Variants in TLN2 observed in about 807,000 individuals in gnomAD.
TLN2 encodes talin-2.
TLN2 carries 118 observed loss-of-function variants against 294.7 expected under a neutral mutation model. The observed-to-expected ratio is 0.40, with a 90% CI of 0.34 to 0.47. TLN2 has a LOEUF of 0.47. TLN2 is among the 20% of genes least tolerant of loss of function. The pLI is 0.84. For missense variants in TLN2, 3,083 were observed against 3,282.2 expected (o/e 0.94, Z 1.48); for synonymous variants, 1,431 against 1,304.5 (o/e 1.10, Z -2.09).
chr15:62,762,594 G>A (rs1595906916), intron 39 of TLN2, 141 bp downstream of exon 39: 2 of 905,998 alleles, frequency 2.2e-6, no homozygotes, highest in Non-Finnish European at 1.7e-6. Flanking sequence ...CGGAAGCACT[G>A]GTCACAATAG....
intron 1 of TLN2, among the ~76,000 whole-genome samples, chr15:62,531,683 T>A (rs1157084315): frequency 1.3e-5 from 2 of 152,234 alleles, no homozygotes; most frequent in Non-Finnish European, 2.9e-5. Context: ...AATTTAGAAT[T>A]TAAAATAAAA....
At chr15:62,812,366 G>A (rs76716674) in intron 52 of TLN2, among the ~76,000 whole-genome samples, 3,086 of 152,242 alleles carry the variant, frequency 0.02, 58 homozygotes, top group Admixed American at 0.034. Flanking sequence ...TGCACACATG[G>A]GCCTCAGGTT....
chr15:62,789,493 C>A lies in TLN2; in HGVS notation c.5737-3148C>A, dbSNP rs139920565. On this transcript the variant is annotated intron_variant, in intron 45 of 58. Transcript: ENST00000636159. ...AAGAAAGGGGCCGGGCAGCAGGGCACTGGGGTATGTTTTTAGAGCGTAGCC... is the reference window on the plus strand; with the variant it reads ...AAGAAAGGGGCCGGGCAGCAGGGCAATGGGGTATGTTTTTAGAGCGTAGCC... Among the ~76,000 whole-genome samples, 9 of 152,178 alleles carry A rather than the reference C, an allele frequency of 5.9e-5. No individual in the cohort carries two copies. In the East Asian group the frequency reaches 1.7e-3, roughly 29 times the overall value.
chr15:62,668,607 A>G (rs2055012538), intron 9 of TLN2, among the ~76,000 whole-genome samples: 1 of 152,226 alleles, frequency 6.6e-6, no homozygotes, highest in South Asian at 2.1e-4. Flanking sequence ...TGGAGGGGTC[A>G]GGGTGCGTAG....
At chr15:62,673,072 TTG>T (rs60589441) in intron 9 of TLN2, among the ~76,000 whole-genome samples, 34 of 144,890 alleles carry the variant, frequency 2.3e-4, no homozygotes, top group African/African-American at 7.6e-4. Context: ...CCTAATTTAA[TTG>T]TGTGTGTGTG....
At chr15:62,462,103 C>T (rs912455952) in intron 1 of TLN2, among the ~76,000 whole-genome samples, 4 of 152,116 alleles carry the variant, frequency 2.6e-5, no homozygotes, top group Non-Finnish European at 4.4e-5. Flanking sequence ...GGCGTGGTGG[C>T]GGGTGCCTGT....
rs1459752264 is a variant in TLN2, at chr15:62,755,572, C to G, written c.4517C>G (p.Ala1506Gly). ...ACAATTGTTGCCAAGCACACGTCAG[C>G]CTTGTGCAATGCCTGCCGCATCGCC... The part of the protein sequence containing the change: ...AATIVAKHTS[A>G]LCNACRIASS... Residue 1506 changes from alanine (A) to glycine (G), a missense_variant, in exon 37 of 59, where the codon GCC becomes GGC. Physicochemically the swap from Ala to Gly is moderately conservative, Grantham distance 60 (BLOSUM62 0). Transcript: ENST00000636159. 6.2e-7 allele frequency: 1 copy of G among 1,614,226 alleles called. No homozygotes were observed. Among genetic ancestry groups the G allele is most frequent in the Non-Finnish European group, 8.5e-7 (1 of 1,180,016 alleles).
intron 1 of TLN2, among the ~76,000 whole-genome samples, chr15:62,510,986 A>G (rs1033801171): frequency 6.6e-6 from 1 of 152,190 alleles, no homozygotes. Context: ...TTTGACAAGA[A>G]CGTCTTACAA....
At chr15:62,491,716 T>C (rs2038736527) in intron 1 of TLN2, among the ~76,000 whole-genome samples, 1 of 152,206 alleles carries the variant, frequency 6.6e-6, no homozygotes, top group African/African-American at 2.4e-5. Context: ...ACTTTTCCCT[T>C]TGACTTAGTG....
chr15:62,531,575 A>G (rs1440433608), intron 1 of TLN2, among the ~76,000 whole-genome samples: 1 of 152,256 alleles, frequency 6.6e-6, no homozygotes, highest in Non-Finnish European at 1.5e-5. Flanking sequence ...CACCATAAAA[A>G]TAAATATTTG....
At chr15:62,568,398 A>G (rs1287248345) in intron 1 of TLN2, among the ~76,000 whole-genome samples, 2 of 152,232 alleles carry the variant, frequency 1.3e-5, no homozygotes, top group African/African-American at 2.4e-5. Context: ...AGCAGCAGCA[A>G]TCTCTTTAAA....
intron 16 of TLN2, 139 bp downstream of exon 16, chr15:62,699,006 C>A: frequency 1.2e-6 from 1 of 822,492 alleles, no homozygotes; most frequent in Non-Finnish European, 1.9e-6. Flanking sequence ...GATATTGAGT[C>A]TTTGCCTCTC....
At chr15:62,688,945 TA>T (rs534232502) in intron 12 of TLN2, among the ~76,000 whole-genome samples, 128 of 152,262 alleles carry the variant, frequency 8.4e-4, no homozygotes, top group African/African-American at 3.0e-3. Context: ...TATATTTTTT[TA>T]ATCCATTCTA....
chr15:62,506,817 A>G (rs1038329553), intron 1 of TLN2, among the ~76,000 whole-genome samples: 2 of 152,228 alleles, frequency 1.3e-5, no homozygotes, highest in African/African-American at 4.8e-5. Context: ...ATCATGTGTG[A>G]GCAGCATGGC....
In TLN2 at chr15:62,687,851, C is replaced by T. The variant is rs78446721; in HGVS notation, c.1113+1055C>T. The T allele has an allele frequency of 6.5e-3, 984 of 152,300 alleles. 4 individuals are homozygous for T. Among genetic ancestry groups the T allele is most frequent in the Non-Finnish European group, 0.01 (688 of 68,024 alleles). The allele number at this position is 152,300 out of a possible 1,614,324, so 9.4% of individuals were successfully genotyped here. A position where few individuals can be genotyped will look rare whatever the true frequency, so the allele number is the denominator to read the frequency against. ...CCTCTTGTAGCTGTAACATTTGTGC[C>T]TGTGTGGCCCTCAAAAGATGAATGT... is the stretch of plus-strand genomic sequence containing the variant. On this transcript the variant is annotated intron_variant, in intron 12 of 58. Transcript: ENST00000636159.
intron 28 of TLN2, chr15:62,733,924 A>C (rs1016690095): frequency 6.6e-6 from 1 of 152,226 alleles, no homozygotes; most frequent in African/African-American, 2.4e-5. Flanking sequence ...TCCTGTAGTG[A>C]TGACCATTGA....
At chr15:62,400,296 A>T (rs1301566718) in intron 1 of TLN2, among the ~76,000 whole-genome samples, 1 of 152,232 alleles carries the variant, frequency 6.6e-6, no homozygotes, top group African/African-American at 2.4e-5. Context: ...CCAGTCTTGG[A>T]TATGTCCTTA....
At chr15:62,433,202 C>T (rs948871193) in intron 1 of TLN2, among the ~76,000 whole-genome samples, 5 of 152,028 alleles carry the variant, frequency 3.3e-5, no homozygotes, top group Admixed American at 3.3e-4. Context: ...CTGGGCGTTT[C>T]ATTCAGAGGC....
intron 1 of TLN2, among the ~76,000 whole-genome samples, chr15:62,563,086 C>G (rs545118087): frequency 6.6e-6 from 1 of 151,978 alleles, no homozygotes; most frequent in South Asian, 2.1e-4. Flanking sequence ...TGTATAATGA[C>G]TTATTTTCCT....
Sources: allele counts gnomAD v4.1 joint callset (sites outside exome capture counted in the v4.1 genomes callset), GRCh38; gene constraint gnomAD v4.1.1; transcripts MANE v1.5; gene names NCBI Gene and HGNC (gene_info 2026-07-23, HGNC 2026-07-21).